Variants in SYN3 observed in about 807,000 individuals in gnomAD.
The protein encoded by SYN3 is synapsin III.
Under a neutral mutation model 65.8 loss-of-function variants are expected in SYN3, and 35 were observed. The observed-to-expected ratio is 0.53, with a 90% CI of 0.41 to 0.70. The LOEUF is 0.70. Among genes scored for constraint, SYN3 ranks in the 30% least tolerant of loss-of-function variants. The pLI is 0.00. For synonymous variants in SYN3, 270 were observed against 292.9 expected, an observed-to-expected ratio of 0.92 and a Z score of 0.80; for missense variants, 680 against 749.0, an observed-to-expected ratio of 0.91 and a Z score of 1.08.
chr22:32,940,213 T>G (rs2050895872), intron 3 of SYN3, among the ~76,000 whole-genome samples: 1 of 152,188 alleles, frequency 6.6e-6, no homozygotes, highest in African/African-American at 2.4e-5. Flanking sequence ...TTTGCATTTA[T>G]CTTATTAATT....
intron 7 of SYN3, among the ~76,000 whole-genome samples, chr22:32,586,132 G>A (rs1048576841): frequency 1.3e-5 from 2 of 148,308 alleles, no homozygotes; most frequent in Non-Finnish European, 3.0e-5. Flanking sequence ...GTATATGTAT[G>A]TATATACATA....
intron 6 of SYN3, among the ~76,000 whole-genome samples, chr22:32,777,569 C>T (rs993045822): frequency 6.6e-6 from 1 of 152,160 alleles, no homozygotes; most frequent in Non-Finnish European, 1.5e-5. Flanking sequence ...CCATCCATCC[C>T]TCATTCACTG....
rs1205570462 is a variant in SYN3 at position 32,801,992 on chromosome 22, A to G, written c.711+62923T>C. The G allele has an allele frequency of 1.1e-5, 18 of 1,583,506 alleles. No homozygotes were observed. Among genetic ancestry groups the G allele is most frequent in the Non-Finnish European group, 1.5e-5 (18 of 1,171,592 alleles). On this transcript the variant is annotated intron_variant, in intron 6 of 13. Transcript: ENST00000358763. The surrounding 1 kb of genome is among the most constrained non-coding windows in gnomAD (Gnocchi z 4.7). ...GAGCAGCAGCCCCGGCAGCGGCGGCAGCAGCGGCAATGACCCCTTGGCTCG... is the reference window on the plus strand; with the variant it reads ...GAGCAGCAGCCCCGGCAGCGGCGGCGGCAGCGGCAATGACCCCTTGGCTCG...
chr22:32,963,028 G>C lies in SYN3; in HGVS notation c.369+17617C>G, dbSNP rs73162028. Among the ~76,000 whole-genome samples the C allele has an allele frequency of 7.1e-3, 1,059 of 150,170 alleles. 9 individuals carry two copies. The highest frequency in any genetic ancestry group is 0.035 in the South Asian group (169 of 4,776). ...ATATATACATTTATATAGAGAGAGG[G>C]ATAAATGGCTTAAGATATTATTATT... On this transcript the variant is annotated intron_variant, in intron 3 of 13. Coordinates refer to ENST00000358763, the MANE Select transcript of SYN3 (RefSeq NM_003490.4).
At chr22:32,820,853 A>G (rs192379871) in intron 6 of SYN3, among the ~76,000 whole-genome samples, 1 of 152,358 alleles carries the variant, frequency 6.6e-6, no homozygotes, top group East Asian at 1.9e-4. Context: ...ATTAGAAGTG[A>G]TGTATGAATG....
At chr22:32,569,436 TA>T (rs2058721226) in intron 7 of SYN3, among the ~76,000 whole-genome samples, 4 of 150,314 alleles carry the variant, frequency 2.7e-5, no homozygotes, top group African/African-American at 9.9e-5. Context: ...TCTATCTATC[TA>T]TCTATCTATC....
At chr22:32,990,912 G>A (rs929365717) in intron 2 of SYN3, among the ~76,000 whole-genome samples, 4 of 151,852 alleles carry the variant, frequency 2.6e-5, no homozygotes, top group African/African-American at 4.8e-5. Flanking sequence ...TTGGCTGGGC[G>A]CAGTGGCTCA....
At chr22:32,885,366 T>C (rs1250871061) in intron 4 of SYN3, among the ~76,000 whole-genome samples, 1 of 152,220 alleles carries the variant, frequency 6.6e-6, no homozygotes. Context: ...CTGACTCTTG[T>C]TCTCAAGGAT....
At chr22:32,828,178 G>C (rs111863780) in intron 6 of SYN3, among the ~76,000 whole-genome samples, 11 of 152,334 alleles carry the variant, frequency 7.2e-5, no homozygotes, top group African/African-American at 2.4e-4. Context: ...AGGAAATTGA[G>C]GCTGAGACAA....
At chr22:32,992,537 G>C (rs1302227619) in intron 2 of SYN3, among the ~76,000 whole-genome samples, 2 of 152,170 alleles carry the variant, frequency 1.3e-5, no homozygotes, top group Admixed American at 6.5e-5. Context: ...TCTCTGCCAG[G>C]CGTGGTGGCT....
chr22:32,609,703 G>A (rs532445909), intron 6 of SYN3, among the ~76,000 whole-genome samples: 21 of 151,986 alleles, frequency 1.4e-4, no homozygotes, highest in South Asian at 1.3e-3. Flanking sequence ...TGTTGCCCAG[G>A]CTGGACTCAA....
At chr22:32,769,993 T>C (rs2045726064) in intron 6 of SYN3, among the ~76,000 whole-genome samples, 1 of 152,284 alleles carries the variant, frequency 6.6e-6, no homozygotes, top group Admixed American at 6.5e-5. Context: ...CTAATAGGCA[T>C]TTCTAGTCTA....
chr22:32,673,036 G>A (rs2060392952), intron 6 of SYN3, among the ~76,000 whole-genome samples: 1 of 152,182 alleles, frequency 6.6e-6, no homozygotes, highest in African/African-American at 2.4e-5. Flanking sequence ...GGGAAAAAAT[G>A]GATCTCAGGG....
intron 1 of SYN3, among the ~76,000 whole-genome samples, chr22:33,052,269 C>T (rs2054180151): frequency 6.6e-6 from 1 of 152,216 alleles, no homozygotes; most frequent in South Asian, 2.1e-4. Context: ...TGCTCAGAAG[C>T]AGGTGGCAGT....
At chr22:32,746,356 C>T (rs2044932946) in intron 6 of SYN3, among the ~76,000 whole-genome samples, 1 of 152,184 alleles carries the variant, frequency 6.6e-6, no homozygotes, top group African/African-American at 2.4e-5. Context: ...AAAAGATGCC[C>T]AATATTTTCA....
intron 6 of SYN3, among the ~76,000 whole-genome samples, chr22:32,855,608 G>A (rs943737554): frequency 7.9e-5 from 12 of 152,166 alleles, no homozygotes; most frequent in African/African-American, 2.9e-4. Context: ...GGTTGTCATG[G>A]TGATTCGTGG....
At chr22:32,593,981 C>G (rs1254724163) in intron 7 of SYN3, among the ~76,000 whole-genome samples, 1 of 151,978 alleles carries the variant, frequency 6.6e-6, no homozygotes, top group Non-Finnish European at 1.5e-5. Context: ...AGAAGGATGG[C>G]CAGCCACTGT....
intron 4 of SYN3, among the ~76,000 whole-genome samples, chr22:32,913,199 C>T (rs1337055353): frequency 1.3e-5 from 2 of 149,904 alleles, no homozygotes; most frequent in Non-Finnish European, 1.5e-5. Flanking sequence ...CTCGCTCTGT[C>T]GCCCAGGCTG....
Position 32,837,913 on chromosome 22 carries a change from C to T in SYN3, c.711+27002G>A, listed in dbSNP as rs1048965099. On this transcript the variant is annotated intron_variant, in intron 6 of 13. Coordinates refer to ENST00000358763, the MANE Select transcript of SYN3 (RefSeq NM_003490.4). This position sits in a 1 kb window ranked among gnomAD's most constrained non-coding sequence, Gnocchi z 4.1. Reference sequence around the variant, plus strand: ...CCAATGGGCTGGACTCTCCAGCCTCCGGGCCTCTGCCCAACCATGACCAGA... The same window carrying T: ...CCAATGGGCTGGACTCTCCAGCCTCTGGGCCTCTGCCCAACCATGACCAGA... 8.5e-5 allele frequency among the ~76,000 whole-genome samples: 13 copies of T among 152,204 alleles called. 1 individual carries two copies. Among genetic ancestry groups the T allele is most frequent in the Admixed American group, 3.9e-4 (6 of 15,290 alleles).
Sources: gnomAD v4.1 joint callset for allele counts (sites outside exome capture counted in the v4.1 genomes callset) on GRCh38, gnomAD v4.1.1 for gene constraint, Gnocchi (gnomAD v3.1) non-coding constraint, MANE v1.5 for transcripts, NCBI Gene and HGNC (gene_info 2026-07-23, HGNC 2026-07-21) for gene names.